Variants in STARD13 observed in about 807,000 individuals in gnomAD.
The protein encoded by STARD13 is stAR-related lipid transfer protein 13.
Under a neutral mutation model 106.4 loss-of-function variants are expected in STARD13, and 62 were observed. The observed-to-expected ratio is 0.58, with a 90% confidence interval of 0.48 to 0.72. STARD13 has a LOEUF of 0.72. Ranked by LOEUF, STARD13 falls within the 30% of genes least tolerant of loss-of-function variation. The pLI, the probability that STARD13 is intolerant of heterozygous loss-of-function variation, is 0.00. For missense variants in STARD13, 1,387 were observed against 1,424.0 expected, an observed-to-expected ratio of 0.97 and a Z score of 0.42; for synonymous variants, 565 against 553.0, an observed-to-expected ratio of 1.02 and a Z score of -0.31.
At chr13:33,519,893 A>G in the STARD13 span, 19 of 152,142 alleles carry the variant, frequency 1.2e-4, no homozygotes, top group African/African-American at 4.6e-4. Flanking sequence ...CAGAGAAGGC[A>G]CTCCATAAAT....
At chr13:33,503,400 T>G in the STARD13 span, among the ~76,000 whole-genome samples, 1 of 152,216 alleles carries the variant, frequency 6.6e-6, no homozygotes, top group Non-Finnish European at 1.5e-5. Flanking sequence ...GTTCTGATCT[T>G]AGTTATTTCT....
At chr13:33,669,788 C>A in the STARD13 span, among the ~76,000 whole-genome samples, 1 of 152,042 alleles carries the variant, frequency 6.6e-6, no homozygotes, top group African/African-American at 2.4e-5. Flanking sequence ...CCCACTTTGG[C>A]CTCCCAAAGT....
downstream of STARD13, among the ~76,000 whole-genome samples, chr13:33,345,616 T>A (rs185409079): frequency 1.3e-5 from 2 of 152,228 alleles, no homozygotes; most frequent in East Asian, 3.9e-4. Context: ...AATTAAGAAG[T>A]ATGCATGGAC....
the STARD13 span, among the ~76,000 whole-genome samples, chr13:33,674,989 C>T: frequency 1.3e-5 from 2 of 152,210 alleles, no homozygotes; most frequent in Non-Finnish European, 2.9e-5. Flanking sequence ...CACTGGAATG[C>T]TAATCCAAGC....
the STARD13 span, among the ~76,000 whole-genome samples, chr13:33,617,288 A>T: frequency 6.6e-6 from 1 of 152,152 alleles, no homozygotes; most frequent in Non-Finnish European, 1.5e-5. Flanking sequence ...TATATTAGGC[A>T]CTCAATAGGT....
intron 1 of STARD13, among the ~76,000 whole-genome samples, chr13:33,217,095 C>G (rs956704012): frequency 2.0e-5 from 3 of 152,114 alleles, no homozygotes; most frequent in African/African-American, 7.2e-5. Flanking sequence ...TAAGTCCCCC[C>G]AATAAACCCT....
At chr13:33,227,955 C>T (rs898560585) in intron 1 of STARD13, among the ~76,000 whole-genome samples, 99 of 152,260 alleles carry the variant, frequency 6.5e-4, no homozygotes, top group African/African-American at 2.3e-3. Flanking sequence ...TACAAATGAA[C>T]ATAATGATAG....
chr13:33,329,445 C>G (rs2077812042), intron 1 of STARD13, among the ~76,000 whole-genome samples: 1 of 152,114 alleles, frequency 6.6e-6, no homozygotes. Flanking sequence ...TTCCCCTCTT[C>G]CCCGCTCCAG....
intron 1 of STARD13, among the ~76,000 whole-genome samples, chr13:33,220,469 G>C (rs1397676517): frequency 6.6e-6 from 1 of 152,040 alleles, no homozygotes; most frequent in East Asian, 1.9e-4. Context: ...GAGGCAGGTG[G>C]ATCATGAGGT....
chr13:33,176,925 T>C (rs1429333628), intron 1 of STARD13, among the ~76,000 whole-genome samples: 2 of 152,258 alleles, frequency 1.3e-5, no homozygotes, highest in Admixed American at 6.5e-5. Context: ...TTTAAAATTG[T>C]ATAGCAGATA....
the STARD13 span, among the ~76,000 whole-genome samples, chr13:33,452,222 A>G: frequency 3.3e-5 from 5 of 152,054 alleles, no homozygotes; most frequent in Non-Finnish European, 5.9e-5. Context: ...GGGTGTGGAT[A>G]ATGACAGTCT....
At chr13:33,313,974 ATAGT>A (rs1212266257) in intron 1 of STARD13, among the ~76,000 whole-genome samples, 5 of 152,106 alleles carry the variant, frequency 3.3e-5, no homozygotes, top group South Asian at 4.1e-4. Context: ...TTTTGATATG[ATAGT>A]TAGGTACTTT....
At chr13:33,511,720 G>T in the STARD13 span, among the ~76,000 whole-genome samples, 79,306 of 151,944 alleles carry the variant, frequency 0.52, 21,965 homozygotes, top group African/African-American at 0.72. Context: ...AAAACTGGTC[G>T]CTGAGCTTCT....
intron 1 of STARD13, among the ~76,000 whole-genome samples, chr13:33,261,369 T>C (rs772155969): frequency 1.3e-5 from 2 of 152,152 alleles, no homozygotes; most frequent in African/African-American, 4.8e-5. Context: ...AGAACCCCAA[T>C]TTAGATAGAG....
the STARD13 span, among the ~76,000 whole-genome samples, chr13:33,592,180 C>T: frequency 1.8e-3 from 278 of 152,284 alleles, no homozygotes; most frequent in African/African-American, 6.0e-3. Flanking sequence ...TGTTGCTTTA[C>T]GTTGGCATTG....
intron 1 of STARD13, among the ~76,000 whole-genome samples, chr13:33,179,889 C>A (rs1307827425): frequency 6.6e-6 from 1 of 152,210 alleles, no homozygotes; most frequent in African/African-American, 2.4e-5. Context: ...AACAACCCAT[C>A]TTCTTCCCCC....
the STARD13 span, among the ~76,000 whole-genome samples, chr13:33,358,971 G>A: frequency 6.6e-6 from 1 of 152,166 alleles, no homozygotes; most frequent in African/African-American, 2.4e-5. Context: ...GGGACGTGGA[G>A]AACCTTTGTA....
At chr13:33,485,546 G>T in the STARD13 span, among the ~76,000 whole-genome samples, 1 of 152,110 alleles carries the variant, frequency 6.6e-6, no homozygotes. Flanking sequence ...AAATTTTCTT[G>T]TGCTACATGA....
At chr13:33,521,688 A>G in the STARD13 span, among the ~76,000 whole-genome samples, 3 of 152,160 alleles carry the variant, frequency 2.0e-5, no homozygotes, top group Non-Finnish European at 2.9e-5. Context: ...ACTCTGTGCC[A>G]CTAAGAATTG....
Sources: allele counts gnomAD v4.1 joint callset (sites outside exome capture counted in the v4.1 genomes callset), GRCh38; gene constraint gnomAD v4.1.1; transcripts MANE v1.5; gene names NCBI Gene and HGNC (gene_info 2026-07-23, HGNC 2026-07-21).